The following ERC1 variants were observed in gnomAD, a reference collection of about 807,000 sequenced individuals.
ERC1 encodes RAB6 interacting protein 2.
In ERC1, 56 loss-of-function variants were observed where a neutral mutation model predicts 132.0. The ratio of observed to expected loss-of-function variants is 0.42; its 90% confidence interval spans 0.34 to 0.53. The LOEUF (loss-of-function observed/expected upper bound fraction) is 0.53. Ranked by LOEUF, ERC1 falls within the 20% of genes least tolerant of loss-of-function variation. The probability of loss-of-function intolerance (pLI) is 0.03; values close to 1 mark genes in which losing one functional copy is unlikely to be tolerated. For missense variants in ERC1, 1,202 were observed against 1,349.9 expected (o/e 0.89, Z 1.72); for synonymous variants, 478 against 476.1 (o/e 1.00, Z -0.05).
At chr12:1,355,378 G>T (rs985309238) in intron 15 of ERC1, among the ~76,000 whole-genome samples, 1 of 151,936 alleles carries the variant, frequency 6.6e-6, no homozygotes, top group African/African-American at 2.4e-5. Context: ...ATGGGCCATG[G>T]GCTGGCTTTG....
At chr12:1,463,175 T>G (rs1303638572) in intron 18 of ERC1, among the ~76,000 whole-genome samples, 3 of 152,228 alleles carry the variant, frequency 2.0e-5, no homozygotes, top group Non-Finnish European at 4.4e-5. Flanking sequence ...CTCTTTAACT[T>G]GCACCCCTCT....
intron 2 of ERC1, among the ~76,000 whole-genome samples, chr12:1,052,976 A>G (rs1364168921): frequency 6.6e-6 from 1 of 152,162 alleles, no homozygotes; most frequent in African/African-American, 2.4e-5. Flanking sequence ...GTCTCGAAAA[A>G]AAAAAAAATT....
At chr12:1,160,835 A>G (rs868224020) in intron 8 of ERC1, among the ~76,000 whole-genome samples, 14 of 152,238 alleles carry the variant, frequency 9.2e-5, no homozygotes, top group South Asian at 2.1e-4. Context: ...GTCTTAAGCA[A>G]TGCTCCTGCC....
chr12:1,485,436 C>T (rs1424558400), intron 18 of ERC1, among the ~76,000 whole-genome samples: 4 of 151,916 alleles, frequency 2.6e-5, no homozygotes, highest in African/African-American at 7.3e-5. Flanking sequence ...AACTCCTGAC[C>T]TTGTGATCTG....
chr12:1,328,314 A>AT lies in ERC1; in HGVS notation c.2780+38311dup, dbSNP rs201227280. ...GATGCATGCCATGATGTCCAGCTTA[A>AT]TTTTTTTTTGTTAGAAGTGAAGCCT... is the stretch of plus-strand genomic sequence containing the variant. On this transcript the variant is annotated intron_variant, in intron 15 of 18. Transcript: ENST00000360905. Among the ~76,000 whole-genome samples, 109 of 151,106 alleles carry AT rather than the reference A, an allele frequency of 7.2e-4. 1 individual carries two copies. Among genetic ancestry groups the AT allele is most frequent in the African/African-American group, 1.7e-3 (70 of 41,192 alleles).
At chr12:1,347,584 G>A (rs2084598477) in intron 15 of ERC1, among the ~76,000 whole-genome samples, 2 of 152,160 alleles carry the variant, frequency 1.3e-5, no homozygotes, top group South Asian at 4.1e-4. Context: ...TTCTTAAGAT[G>A]TATTTCCAAG....
rs1420017347 is a variant in ERC1 at position 1,493,392 on chromosome 12, A to G, written c.*3162A>G. The G allele has an allele frequency of 5.8e-6, 1 of 171,556 alleles. No individual in the cohort carries two copies. The highest frequency in any genetic ancestry group is 6.4e-5 in the Admixed American group (1 of 15,602). 10.6% of individuals were successfully genotyped at this position (171,556 alleles called of 1,614,324 possible). A position where few individuals can be genotyped will look rare whatever the true frequency, so the allele number is the denominator to read the frequency against. On this transcript the variant is annotated 3_prime_UTR_variant, in exon 19 of 19. Transcript: ENST00000360905. The stretch of plus-strand genomic sequence containing the variant: ...AACCCCGACTCTACTAAAAATACAA[A>G]ATTAGCCAGGCGTGGTGGCGTACGC...
Position 1,494,750 on chromosome 12 carries a change from G to A in ERC1, c.*4520G>A. 4.3e-6 allele frequency: 1 copy of A among 230,920 alleles called. No individual in the cohort carries two copies. Among genetic ancestry groups the A allele is most frequent in the East Asian group, 6.2e-5 (1 of 16,260 alleles). The allele number at this position is 230,920 out of a possible 1,614,324, so 14.3% of individuals were successfully genotyped here. On this transcript the variant is annotated 3_prime_UTR_variant, in exon 19 of 19. Transcript: ENST00000360905. ...CTGTGTGATTCAGAGAATTGGGGCA[G>A]TTACATTGTGTCTGTTGTTGAGATT...
At chr12:1,191,221 T>A (rs1238066446) in intron 12 of ERC1, among the ~76,000 whole-genome samples, 2 of 152,188 alleles carry the variant, frequency 1.3e-5, no homozygotes, top group Non-Finnish European at 2.9e-5. Flanking sequence ...GTCAGAATTT[T>A]AAAATTACCA....
At chr12:1,296,106 G>C (rs1457767269) in intron 15 of ERC1, among the ~76,000 whole-genome samples, 1 of 151,088 alleles carries the variant, frequency 6.6e-6, no homozygotes, top group Non-Finnish European at 1.5e-5. Flanking sequence ...AATCTCAACA[G>C]AGAAAGGAAA....
chr12:1,166,800 G>C (rs1566127012), intron 8 of ERC1, among the ~76,000 whole-genome samples: 1 of 152,136 alleles, frequency 6.6e-6, no homozygotes, highest in Admixed American at 6.6e-5. Flanking sequence ...TGTTCTATCA[G>C]CATTATTATG....
chr12:1,170,140 T>A (rs2968874), intron 8 of ERC1, among the ~76,000 whole-genome samples: 55,585 of 152,002 alleles, frequency 0.37, 10,527 homozygotes, highest in African/African-American at 0.43. Flanking sequence ...AATATTACAC[T>A]TACTTTTTGG....
At chr12:1,277,765 T>TGTA (rs1244885116) in intron 14 of ERC1, among the ~76,000 whole-genome samples, 2 of 152,226 alleles carry the variant, frequency 1.3e-5, no homozygotes, top group African/African-American at 4.8e-5. Context: ...ATGCACAGAT[T>TGTA]GTAGATACTG....
At chr12:1,021,736 A>G (rs991133582) in intron 1 of ERC1, among the ~76,000 whole-genome samples, 3 of 151,002 alleles carry the variant, frequency 2.0e-5, no homozygotes, top group African/African-American at 7.3e-5. Context: ...CCCTAAGCCC[A>G]ATGTTCCTTA....
At chr12:1,407,582 G>A (rs2091584747) in intron 16 of ERC1, among the ~76,000 whole-genome samples, 1 of 151,376 alleles carries the variant, frequency 6.6e-6, no homozygotes, top group Admixed American at 6.6e-5. Context: ...TGGGGATATT[G>A]CCTCTTCCCC....
At chr12:1,358,164 G>A (rs1221793857) in intron 15 of ERC1, among the ~76,000 whole-genome samples, 1 of 149,238 alleles carries the variant, frequency 6.7e-6, no homozygotes, top group African/African-American at 2.5e-5. Flanking sequence ...GATCATGCCT[G>A]TGAAAAAACA....
intron 1 of ERC1, among the ~76,000 whole-genome samples, chr12:1,000,298 A>G (rs1411233186): frequency 6.6e-6 from 1 of 152,118 alleles, no homozygotes; most frequent in Non-Finnish European, 1.5e-5. Flanking sequence ...CAGCCTGAGC[A>G]ACGTGGCGAA....
chr12:1,222,303 C>T (rs1289027377), intron 12 of ERC1, among the ~76,000 whole-genome samples: 2 of 151,274 alleles, frequency 1.3e-5, no homozygotes, highest in African/African-American at 4.9e-5. Flanking sequence ...GATCTTGGCT[C>T]ACTGCAACCT....
Position 1,110,266 on chromosome 12 carries a change from T to G in ERC1, c.1236T>G (p.Gly412=). Reference sequence around the variant, plus strand: ...AAATTCAGATGCTGAAATCGAATGGTGCTTTGAGTACTGAGGAAAGGGAAG... The same window carrying G: ...AAATTCAGATGCTGAAATCGAATGGGGCTTTGAGTACTGAGGAAAGGGAAG... ...EEEIQMLKSN[G]ALSTEEREEE... is the part of the protein sequence containing the mutation. The change falls in exon 5 of 19, where the codon GGT becomes GGG. Residue 412 remains glycine (G), a synonymous_variant. Transcript: ENST00000360905. 6.2e-7 allele frequency: 1 copy of G among 1,613,560 alleles called. No individual in the cohort carries two copies.
Sources: allele counts gnomAD v4.1 joint callset (sites outside exome capture counted in the v4.1 genomes callset), GRCh38; gene constraint gnomAD v4.1.1; transcripts MANE v1.5; gene names NCBI Gene and HGNC (gene_info 2026-07-23, HGNC 2026-07-21).